SLC30A8: variants seen among roughly 807,000 people sequenced by gnomAD.
The protein encoded by SLC30A8 is solute carrier family 30 member 8, also known as proton-coupled zinc antiporter SLC30A8.
A neutral mutation model predicts 36.9 loss-of-function variants in SLC30A8; 27 were observed. That is an observed-to-expected ratio of 0.73 (90% CI 0.54 to 1.01). The LOEUF is 1.01. SLC30A8 is among the 50% of genes least tolerant of loss of function. SLC30A8 has a pLI of 0.00. For synonymous variants in SLC30A8, 164 were observed against 172.4 expected, an observed-to-expected ratio of 0.95 and a Z score of 0.38; for missense variants, 439 against 452.0, an observed-to-expected ratio of 0.97 and a Z score of 0.26.
At chr8:117,128,619 T>C (rs1175844631) in intron 2 of SLC30A8, 1 of 152,090 alleles carries the variant, frequency 6.6e-6, no homozygotes, top group African/African-American at 2.4e-5. Flanking sequence ...AACACCTTGC[T>C]GAGCACATGT....
At chr8:117,057,107 T>A (rs1341761427) in intron 2 of SLC30A8, among the ~76,000 whole-genome samples, 1 of 152,180 alleles carries the variant, frequency 6.6e-6, no homozygotes, top group Admixed American at 6.5e-5. Context: ...CTAAGAACTC[T>A]TAAGATCAAG....
chr8:117,034,375 G>A (rs11781617), intron 1 of SLC30A8, among the ~76,000 whole-genome samples: 16,359 of 152,064 alleles, frequency 0.11, 1,138 homozygotes, highest in East Asian at 0.18. Flanking sequence ...TTAACTGTCC[G>A]TTGTAATTTA....
In SLC30A8 at chr8:117,160,376, G is replaced by A. The variant is rs1384497769; in HGVS notation, c.573-1362G>A. On this transcript the variant is annotated intron_variant, in intron 4 of 7. Coordinates refer to ENST00000456015, the MANE Select transcript of SLC30A8 (RefSeq NM_173851.3). ...CTGTTGTATTACCCATAGTACCAGTGGACTTATTGTAATTAGAATTTTCCA... is the reference window on the plus strand; with the variant it reads ...CTGTTGTATTACCCATAGTACCAGTAGACTTATTGTAATTAGAATTTTCCA... Among the ~76,000 whole-genome samples the A allele has an allele frequency of 2.6e-5, 4 of 151,374 alleles. No individual in the cohort carries two copies. In the East Asian group the frequency reaches 7.8e-4, roughly 29 times the overall value.
chr8:117,120,320 A>G (rs1347206446), intron 2 of SLC30A8, among the ~76,000 whole-genome samples: 6 of 151,964 alleles, frequency 3.9e-5, no homozygotes, highest in Non-Finnish European at 4.4e-5. Flanking sequence ...CCACACATAT[A>G]TAGTGAACTG....
At chr8:116,993,064 A>G (rs558141670) in intron 1 of SLC30A8, among the ~76,000 whole-genome samples, 211 of 152,236 alleles carry the variant, frequency 1.4e-3, no homozygotes, top group Middle Eastern at 3.4e-3. Context: ...TTAGTGGGGG[A>G]AAATCTGTCA....
rs10088883 is a variant in SLC30A8 at position 117,129,049 on chromosome 8, C to T, written c.-225-6231C>T. On this transcript the variant is annotated intron_variant, in intron 2 of 10. Coordinates refer to the SLC30A8 transcript ENST00000427715. Reference sequence around the variant, plus strand: ...GGATTCAGGTGTCAGGTGTGCTAGTCTTGAGAAGAACTATCCTCAGAGCAG... The same window carrying T: ...GGATTCAGGTGTCAGGTGTGCTAGTTTTGAGAAGAACTATCCTCAGAGCAG... 5.1e-3 allele frequency among the ~76,000 whole-genome samples: 776 copies of T among 152,130 alleles called. 6 individuals are homozygous for T. The highest frequency in any genetic ancestry group is 0.018 in the African/African-American group (737 of 41,534).
Position 117,172,745 on chromosome 8 carries a change from T to C in SLC30A8, c.*64T>C, listed in dbSNP as rs1823451688. Reference sequence around the variant, plus strand: ...CCTTCAAACATGCTGCTATGCAGTTTCTGCATCATAGAAAATAAGGAACCA... The same window carrying C: ...CCTTCAAACATGCTGCTATGCAGTTCCTGCATCATAGAAAATAAGGAACCA... On this transcript the variant is annotated 3_prime_UTR_variant, in exon 8 of 8. Transcript: ENST00000456015. 1.2e-5 allele frequency: 19 copies of C among 1,563,684 alleles called. No individual in the cohort carries two copies. Among genetic ancestry groups the C allele is most frequent in the Non-Finnish European group, 1.6e-5 (18 of 1,143,022 alleles).
chr8:117,075,485 C>A (rs940707072), intron 2 of SLC30A8, among the ~76,000 whole-genome samples: 1 of 152,208 alleles, frequency 6.6e-6, no homozygotes, highest in African/African-American at 2.4e-5. Flanking sequence ...TTTGCAGTCT[C>A]AAGGACTCTT....
At chr8:117,040,266 G>A (rs567516158) in intron 2 of SLC30A8, among the ~76,000 whole-genome samples, 3 of 152,284 alleles carry the variant, frequency 2.0e-5, no homozygotes, top group South Asian at 4.1e-4. Flanking sequence ...ATAGTTTAGT[G>A]AGTTTAATTA....
intron 2 of SLC30A8, among the ~76,000 whole-genome samples, chr8:117,048,434 G>A (rs1817616745): frequency 6.6e-6 from 1 of 152,084 alleles, no homozygotes; most frequent in Non-Finnish European, 1.5e-5. Flanking sequence ...TACTCCCCTC[G>A]TATATCCCTC....
chr8:116,983,684 T>C (rs1262772159), intron 1 of SLC30A8, among the ~76,000 whole-genome samples: 1 of 152,184 alleles, frequency 6.6e-6, no homozygotes, highest in Non-Finnish European at 1.5e-5. Context: ...AATATATTTT[T>C]GGTCTTCCTT....
chr8:116,959,354 T>G (rs1814336829), intron 1 of SLC30A8, among the ~76,000 whole-genome samples: 1 of 152,194 alleles, frequency 6.6e-6, no homozygotes, highest in South Asian at 2.1e-4. Flanking sequence ...TTAAAGCATA[T>G]AGAATAATTT....
chr8:117,096,007 A>C (rs2130841922), intron 2 of SLC30A8, among the ~76,000 whole-genome samples: 2 of 152,266 alleles, frequency 1.3e-5, no homozygotes, highest in East Asian at 3.9e-4. Context: ...AGAGAGCAAC[A>C]GCCTCAACTC....
At position 116,977,794 on chromosome 8, in the gene SLC30A8, G is replaced by A. The variant is rs1324076752; in HGVS notation, c.-266+26675G>A. Among the ~76,000 whole-genome samples the A allele has an allele frequency of 3.9e-5, 6 of 152,136 alleles. No individual in the cohort carries two copies. In the East Asian group the frequency reaches 1.2e-3, roughly 29 times the overall value. ...CAAAGTGTTGGGATTACAGGTGTGA[G>A]CCACCACTCCCAGCCTGCTCTACCA... On this transcript the variant is annotated intron_variant, in intron 1 of 10. Coordinates refer to the SLC30A8 transcript ENST00000427715.
chr8:116,986,785 C>T (rs1437714404), intron 1 of SLC30A8, among the ~76,000 whole-genome samples: 1 of 152,034 alleles, frequency 6.6e-6, no homozygotes, highest in Non-Finnish European at 1.5e-5. Context: ...CACTGCAACT[C>T]ATAATGATGA....
chr8:117,043,086 T>C (rs1006912662), intron 2 of SLC30A8, among the ~76,000 whole-genome samples: 1 of 152,242 alleles, frequency 6.6e-6, no homozygotes, highest in Admixed American at 6.5e-5. Context: ...ATCAAAGATA[T>C]ATAACATAAA....
At chr8:117,170,010 A>G (rs963004587) in intron 6 of SLC30A8, among the ~76,000 whole-genome samples, 19 of 152,208 alleles carry the variant, frequency 1.2e-4, no homozygotes, top group African/African-American at 4.6e-4. Flanking sequence ...ACATGTAGTC[A>G]GACTAGAGAA....
At chr8:116,996,519 A>T (rs1815825376) in intron 1 of SLC30A8, among the ~76,000 whole-genome samples, 1 of 152,106 alleles carries the variant, frequency 6.6e-6, no homozygotes, top group Non-Finnish European at 1.5e-5. Context: ...ATCTACTCTT[A>T]GCTATACTTG....
intron 2 of SLC30A8, among the ~76,000 whole-genome samples, chr8:117,104,568 T>G (rs925937438): frequency 6.6e-6 from 1 of 152,182 alleles, no homozygotes. Context: ...TCTTTACTTC[T>G]TTCTGAGAGC....
Sources: gnomAD v4.1 joint callset for allele counts (sites outside exome capture counted in the v4.1 genomes callset) on GRCh38, gnomAD v4.1.1 for gene constraint, MANE v1.5 for transcripts, NCBI Gene and HGNC (gene_info 2026-07-23, HGNC 2026-07-21) for gene names.